Variants in HPSE observed in about 807,000 individuals in gnomAD.
HPSE encodes the protein heparanase.
A neutral mutation model predicts 65.1 loss-of-function variants in HPSE; 48 were observed. The observed-to-expected ratio is 0.74, with a 90% confidence interval of 0.58 to 0.94. The LOEUF (loss-of-function observed/expected upper bound fraction) is 0.94. Among genes scored for constraint, HPSE ranks in the 40% least tolerant of loss-of-function variants. The probability of loss-of-function intolerance (pLI) is 0.00; values close to 1 mark genes in which losing one functional copy is unlikely to be tolerated. For synonymous variants in HPSE, 243 were observed against 260.0 expected (o/e 0.93, Z 0.63); for missense variants, 644 against 637.5 (o/e 1.01, Z -0.11).
rs759055125 is a variant in HPSE, at chr4:83,310,830, T to A, written c.734A>T (p.Asp245Val). 1.9e-6 allele frequency: 3 copies of A among 1,613,840 alleles called. No individual in the cohort carries two copies. Among genetic ancestry groups the A allele is most frequent in the Non-Finnish European group, 2.5e-6 (3 of 1,179,736 alleles). ...IFINGSQLGE[D>V]FIQLHKLLRK... is the part of the protein sequence containing the mutation. ...TAGAAGTTTATGCAATTGAATAAAA[T>A]CTTCTCCTAACTGCGACCCATTGAT... The change falls in exon 5 of 12, where the codon GAT becomes GTT. Residue 245 changes from aspartate (D) to valine (V), a missense_variant. Physicochemically the swap from Asp to Val is radical, Grantham distance 152. Transcript: ENST00000311412.
At chr4:83,319,568 G>GATA (rs768340512) in intron 2 of HPSE, 99 bp from the exon 3 acceptor site, 14 of 1,240,602 alleles carry the variant, frequency 1.1e-5, no homozygotes, top group Non-Finnish European at 1.5e-5. Context: ...ACTAAAGCAG[G>GATA]ATAATTAAGT....
intron 3 of HPSE, among the ~76,000 whole-genome samples, chr4:83,316,385 A>C (rs4693606): frequency 0.8 from 120,453 of 151,272 alleles, 48,118 homozygotes; most frequent in East Asian, 0.87. Flanking sequence ...CCTACTCCTT[A>C]CTCAAAATAC....
chr4:83,299,928 C>T (rs908777281), intron 11 of HPSE, among the ~76,000 whole-genome samples: 1 of 152,108 alleles, frequency 6.6e-6, no homozygotes, highest in Non-Finnish European at 1.5e-5. Flanking sequence ...GTCTCAAACT[C>T]CTGGGCTGAA....
chr4:83,295,240 C>G lies in HPSE; in HGVS notation c.*104G>C. On this transcript the variant is annotated 3_prime_UTR_variant, in exon 12 of 12. Coordinates refer to ENST00000311412, the MANE Select transcript of HPSE (RefSeq NM_001098540.3). ...CAGTGTCCCAGTGTCTCTCAAGCAC[C>G]CACTAGTTGCTTTGCAAGGTATCTG... 1 of 917,108 alleles carries G rather than the reference C, an allele frequency of 1.1e-6. No homozygotes were observed. Among genetic ancestry groups the G allele is most frequent in the East Asian group, 2.5e-5 (1 of 40,590 alleles). 56.8% of individuals were successfully genotyped at this position (917,108 alleles called of 1,614,324 possible).
intron 4 of HPSE, 31 bp downstream of exon 4, chr4:83,313,083 T>C: frequency 1.4e-6 from 2 of 1,412,116 alleles, no homozygotes; most frequent in Non-Finnish European, 9.8e-7. Context: ...GGGGATCTCC[T>C]TATTAATGAA....
chr4:83,302,251 A>G lies in HPSE; in HGVS notation c.1224T>C (p.Leu408=), dbSNP rs1311859441. 4 of 1,612,268 alleles carry G rather than the reference A, an allele frequency of 2.5e-6. No homozygotes were observed. The highest frequency in any genetic ancestry group is 1.3e-5 in the African/African-American group (1 of 75,014). The change falls in exon 10 of 12, where the codon CTT becomes CTC. Residue 408 remains leucine (L), a synonymous_variant. Coordinates refer to ENST00000311412, the MANE Select transcript of HPSE (RefSeq NM_001098540.3). ...TGGTGCCCACCAATTTCTTGAACAG[A>G]AGAGATAGCCAATAATCCTAGTTGT... The part of the protein sequence containing the change: ...FDPLPDYWLS[L]LFKKLVGTKV...
chr4:83,309,555 T>C (rs1736286251), intron 6 of HPSE, 60 bp from the exon 7 acceptor site: 1 of 938,724 alleles, frequency 1.1e-6, no homozygotes, highest in Non-Finnish European at 1.7e-6. Context: ...TGCTTTTAGG[T>C]TAATTGCTGA....
At position 83,301,126 on chromosome 4, in the gene HPSE, C is replaced by T; in HGVS notation, c.1326-20G>A. ...CTTGGACTAAAAGCAAAGAGGTTAA[C>T]TTAATAGAAATATGTATCTAATTTA... On this transcript the variant is annotated intron_variant, in intron 10 of 11. Coordinates refer to ENST00000311412, the MANE Select transcript of HPSE (RefSeq NM_001098540.3). 6.7e-7 allele frequency: 1 copy of T among 1,502,722 alleles called. No individual in the cohort carries two copies. Among genetic ancestry groups the T allele is most frequent in the South Asian group, 1.2e-5 (1 of 81,834 alleles). 93.1% of individuals were successfully genotyped at this position (1,502,722 alleles called of 1,614,324 possible).
chr4:83,309,908 C>T (rs1305094092), intron 6 of HPSE, 123 bp downstream of exon 6: 3 of 657,454 alleles, frequency 4.6e-6, no homozygotes, highest in Non-Finnish European at 8.0e-6. Flanking sequence ...CTACTTGAGA[C>T]ACTATTTGTT....
intron 9 of HPSE, among the ~76,000 whole-genome samples, chr4:83,303,786 C>T (rs1039450486): frequency 6.6e-6 from 1 of 152,132 alleles, no homozygotes; most frequent in African/African-American, 2.4e-5. Flanking sequence ...GCCTCAGCTT[C>T]CCAAAGTGTT....
chr4:83,302,387 G>T, intron 9 of HPSE, 119 bp from the exon 10 acceptor site: 2 of 637,658 alleles, frequency 3.1e-6, no homozygotes, highest in South Asian at 4.0e-5. Flanking sequence ...TATCCTGGGG[G>T]CATTTAAATA....
chr4:83,316,899 T>C (rs189410729), intron 3 of HPSE, among the ~76,000 whole-genome samples: 8 of 152,092 alleles, frequency 5.3e-5, no homozygotes, highest in Non-Finnish European at 1.2e-4. Context: ...TGTTTGTTTG[T>C]TTTTTGTTTT....
At chr4:83,328,929 A>G (rs1343200138) in intron 1 of HPSE, among the ~76,000 whole-genome samples, 2 of 152,204 alleles carry the variant, frequency 1.3e-5, no homozygotes, top group African/African-American at 2.4e-5. Context: ...GGAAAGCTGG[A>G]CTTAGGCATG....
At chr4:83,325,574 A>G (rs1374801220) in intron 1 of HPSE, among the ~76,000 whole-genome samples, 2 of 152,234 alleles carry the variant, frequency 1.3e-5, no homozygotes, top group Non-Finnish European at 2.9e-5. Context: ...GCCAGGCATT[A>G]TGCTAGTTGC....
intron 1 of HPSE, among the ~76,000 whole-genome samples, chr4:83,333,739 C>A (rs1044613725): frequency 1.3e-5 from 2 of 151,894 alleles, no homozygotes; most frequent in African/African-American, 4.8e-5. Flanking sequence ...TTTGGAGAGA[C>A]ATCTTTTTAT....
chr4:83,296,097 T>G (rs1405127909), intron 11 of HPSE, among the ~76,000 whole-genome samples: 1 of 152,172 alleles, frequency 6.6e-6, no homozygotes, highest in African/African-American at 2.4e-5. Context: ...TACAGAAAAT[T>G]TTATATTTTC....
intron 9 of HPSE, among the ~76,000 whole-genome samples, chr4:83,303,788 C>T (rs922373708): frequency 6.6e-6 from 1 of 152,148 alleles, no homozygotes; most frequent in Non-Finnish European, 1.5e-5. Flanking sequence ...CTCAGCTTCC[C>T]AAAGTGTTGG....
At position 83,300,997 on chromosome 4, in the gene HPSE, G is replaced by A. The variant is rs780054860; in HGVS notation, c.1435C>T (p.Leu479Phe). ...PFSNKQVDKYLLRPLGPHGLL... is the reference protein window; with the variant it reads ...PFSNKQVDKYFLRPLGPHGLL... The stretch of plus-strand genomic sequence containing the variant: ...CCATGAGGTCCCAAAGGTCTTAGAA[G>A]GTATTTATCCACTTGCTTGTTAGAA... The change falls in exon 11 of 12, where the codon CTT (leucine) becomes TTT (phenylalanine). Residue 479 changes from leucine (L) to phenylalanine (F), a missense_variant. Leu to Phe is a conservative substitution (Grantham distance 22). Coordinates refer to ENST00000311412, the MANE Select transcript of HPSE (RefSeq NM_001098540.3). 2.5e-6 allele frequency: 4 copies of A among 1,608,352 alleles called. No homozygotes were observed. The highest frequency in any genetic ancestry group is 1.1e-5 in the South Asian group (1 of 90,388).
chr4:83,334,608 C>T lies in HPSE; in HGVS notation c.175G>A (p.Val59Ile). The change falls in exon 1 of 12, where the codon GTC (valine) becomes ATC (isoleucine). Residue 59 changes from valine to isoleucine, a missense_variant. Val to Ile is a conservative substitution (Grantham distance 29). Coordinates refer to ENST00000311412, the MANE Select transcript of HPSE (RefSeq NM_001098540.3). ...GTGGCCAGGTTGGCGTCAATGGTGA[C>T]GGACAGGAACGAGGGGCTCACCAGG... ...LHLVSPSFLS[V>I]TIDANLATDP... 6.3e-7 allele frequency: 1 copy of T among 1,593,362 alleles called. No individual in the cohort carries two copies. The highest frequency in any genetic ancestry group is 1.1e-5 in the South Asian group (1 of 87,602).
Sources: allele counts gnomAD v4.1 joint callset (sites outside exome capture counted in the v4.1 genomes callset), GRCh38; gene constraint gnomAD v4.1.1; transcripts MANE v1.5; gene names NCBI Gene and HGNC (gene_info 2026-07-23, HGNC 2026-07-21).